Variants in E2F6 observed in about 807,000 individuals in gnomAD.
E2F6 encodes transcription factor E2F6.
E2F6 carries 19 observed loss-of-function variants against 31.5 expected under a neutral mutation model. The observed-to-expected ratio is 0.60, with a 90% CI of 0.42 to 0.89. The LOEUF (loss-of-function observed/expected upper bound fraction) is 0.89. E2F6 is among the 40% of genes least tolerant of loss of function. The pLI is 0.00. For missense variants in E2F6, 269 were observed against 341.6 expected (o/e 0.79, Z 1.67); for synonymous variants, 121 against 127.7 (o/e 0.95, Z 0.36).
chr2:11,450,561 A>G (rs1382094279), intron 4 of E2F6, among the ~76,000 whole-genome samples: 1 of 152,130 alleles, frequency 6.6e-6, no homozygotes, highest in Non-Finnish European at 1.5e-5. Flanking sequence ...CCCTAAAATG[A>G]AAGATGGAAA....
At chr2:11,447,529 G>C in intron 6 of E2F6, 98 bp downstream of exon 6, 1 of 1,299,642 alleles carries the variant, frequency 7.7e-7, no homozygotes, top group South Asian at 1.4e-5. Context: ...TCATGTTTTT[G>C]TGGCTAGGAA....
rs1018400019 is a variant in E2F6, at chr2:11,455,501, G to C, written c.163+1678C>G. The C allele has an allele frequency of 3.9e-6, 5 of 1,283,794 alleles. No homozygotes were observed. The African/African-American group carries it at 7.7e-5, about 20-fold the overall frequency. 79.5% of individuals were successfully genotyped at this position (1,283,794 alleles called of 1,614,324 possible). A position where few individuals can be genotyped will look rare whatever the true frequency, so the allele number is the denominator to read the frequency against. ...TTAAGATTAAATAGGCGTAAATTAGGAATTTAAAAGGATTTTTAATCGGAA... is the reference window on the plus strand; with the variant it reads ...TTAAGATTAAATAGGCGTAAATTAGCAATTTAAAAGGATTTTTAATCGGAA... On this transcript the variant is annotated intron_variant, in intron 2 of 6. Coordinates refer to ENST00000381525, the MANE Select transcript of E2F6 (RefSeq NM_198256.4).
intron 5 of E2F6, among the ~76,000 whole-genome samples, chr2:11,448,074 T>C (rs987755886): frequency 6.6e-6 from 1 of 152,152 alleles, no homozygotes; most frequent in Admixed American, 6.5e-5. Flanking sequence ...AACTCCAGAA[T>C]ACCCTAGAGT....
Position 11,444,706 on chromosome 2 carries a change from A to C in E2F6, c.*1771T>G, listed in dbSNP as rs1670618030. On this transcript the variant is annotated 3_prime_UTR_variant, in exon 7 of 7. Transcript: ENST00000381525. Reference sequence around the variant, plus strand: ...TCTTGTGGCTTAAACTATCGCATCTAAACTGACATCTGCCTGACGTACTAC... The same window carrying C: ...TCTTGTGGCTTAAACTATCGCATCTCAACTGACATCTGCCTGACGTACTAC... 2 of 152,014 alleles carry C rather than the reference A, an allele frequency of 1.3e-5. No individual in the cohort carries two copies. Among genetic ancestry groups the C allele is most frequent in the African/African-American group, 4.8e-5 (2 of 41,354 alleles). 9.4% of individuals were successfully genotyped at this position (152,014 alleles called of 1,614,324 possible).
At chr2:11,462,928 G>A (rs540755273) in intron 1 of E2F6, among the ~76,000 whole-genome samples, 69 of 152,302 alleles carry the variant, frequency 4.5e-4, no homozygotes, top group African/African-American at 1.6e-3. Context: ...ACTAATAGGA[G>A]TTTGAAACCT....
intron 5 of E2F6, among the ~76,000 whole-genome samples, chr2:11,449,778 T>A (rs1670945250): frequency 2.0e-5 from 3 of 152,226 alleles, no homozygotes; most frequent in African/African-American, 7.2e-5. Context: ...ATTCTGGTGA[T>A]CCTGAAAAAG....
chr2:11,466,078 T>C lies in E2F6; in HGVS notation c.-199A>G. ...GGCACGGCCTCACGTGCCCGGGAGC[T>C]CCCGACGCAGACGGAAAAAGAGGAG... is the stretch of plus-strand genomic sequence containing the variant. On this transcript the variant is annotated 5_prime_UTR_variant, in exon 1 of 7. Coordinates refer to ENST00000381525, the MANE Select transcript of E2F6 (RefSeq NM_198256.4). The C allele has an allele frequency of 1.9e-6, 1 of 515,806 alleles. No homozygotes were observed. The highest frequency in any genetic ancestry group is 3.4e-6 in the Non-Finnish European group (1 of 296,730). The allele number at this position is 515,806 out of a possible 1,614,324, so 32.0% of individuals were successfully genotyped here.
intron 2 of E2F6, among the ~76,000 whole-genome samples, chr2:11,454,641 C>T (rs1038877100): frequency 3.3e-5 from 5 of 151,976 alleles, no homozygotes; most frequent in African/African-American, 4.8e-5. Context: ...TAAGAGCCAC[C>T]GCGGCTGGCC....
In E2F6 at chr2:11,453,819, A is replaced by ATT. The variant is rs757575194; in HGVS notation, c.164-23_164-22dup. 7.0e-6 allele frequency: 11 copies of ATT among 1,581,248 alleles called. No homozygotes were observed. In the African/African-American group the frequency reaches 1.1e-4, roughly 16 times the overall value. On this transcript the variant is annotated intron_variant, in intron 2 of 6. Transcript: ENST00000381525. Reference sequence around the variant, plus strand: ...AGCTTCTGGGAAACAAAATAAACATATTTGTAAAATTTTAAATAACATTTC... The same window carrying ATT: ...AGCTTCTGGGAAACAAAATAAACATATTTTTGTAAAATTTTAAATAACATTTC...
intron 1 of E2F6, among the ~76,000 whole-genome samples, chr2:11,459,774 C>T (rs1671650678): frequency 6.6e-6 from 1 of 151,990 alleles, no homozygotes. Context: ...ATAAAAGCTA[C>T]TTGGGAGGCT....
chr2:11,453,829 T>C (rs767877388), intron 2 of E2F6, 31 bp from the exon 3 acceptor site: 42 of 1,563,450 alleles, frequency 2.7e-5, no homozygotes, highest in Non-Finnish European at 3.6e-5. Flanking sequence ...ATTTGTAAAA[T>C]TTTAAATAAC....
intron 5 of E2F6, among the ~76,000 whole-genome samples, chr2:11,448,502 T>C (rs1346225545): frequency 1.3e-5 from 2 of 152,138 alleles, no homozygotes; most frequent in Non-Finnish European, 2.9e-5. Context: ...ACTCCACACC[T>C]CATTGTGATC....
chr2:11,461,159 T>TA (rs1671755552), intron 1 of E2F6, among the ~76,000 whole-genome samples: 1 of 152,078 alleles, frequency 6.6e-6, no homozygotes, highest in Non-Finnish European at 1.5e-5. Context: ...GAAAGGATGA[T>TA]ACCACTGTAG....
intron 4 of E2F6, 175 bp downstream of exon 4, chr2:11,451,476 A>C: frequency 3.8e-6 from 2 of 530,454 alleles, no homozygotes; most frequent in Non-Finnish European, 6.1e-6. Flanking sequence ...TCAGCCTCCC[A>C]AGGAGCTGGG....
intron 3 of E2F6, among the ~76,000 whole-genome samples, chr2:11,452,920 T>G (rs1247773556): frequency 6.6e-6 from 1 of 152,230 alleles, no homozygotes; most frequent in Non-Finnish European, 1.5e-5. Flanking sequence ...CTCTAATAAC[T>G]AAGTTAATTA....
intron 1 of E2F6, among the ~76,000 whole-genome samples, chr2:11,462,577 C>T (rs148933598): frequency 6.6e-6 from 1 of 152,254 alleles, no homozygotes; most frequent in East Asian, 1.9e-4. Context: ...CTTCAGCATA[C>T]TGGAAGCACT....
At chr2:11,462,419 A>G (rs1422243621) in intron 1 of E2F6, among the ~76,000 whole-genome samples, 2 of 152,246 alleles carry the variant, frequency 1.3e-5, no homozygotes, top group Non-Finnish European at 2.9e-5. Context: ...ATAGCAATAA[A>G]CTACAATGAA....
intron 3 of E2F6, 114 bp downstream of exon 3, chr2:11,453,468 G>A: frequency 1.0e-6 from 1 of 962,902 alleles, no homozygotes; most frequent in South Asian, 1.7e-5. Flanking sequence ...CTTCTAACAA[G>A]AAGTCGTACC....
chr2:11,464,719 A>G (rs1672026410), intron 1 of E2F6, among the ~76,000 whole-genome samples: 2 of 152,056 alleles, frequency 1.3e-5, no homozygotes, highest in South Asian at 2.1e-4. Flanking sequence ...GCCACAGGCA[A>G]GCCGGCGTTA....
Sources: allele counts gnomAD v4.1 joint callset (sites outside exome capture counted in the v4.1 genomes callset), GRCh38; gene constraint gnomAD v4.1.1; transcripts MANE v1.5; gene names NCBI Gene and HGNC (gene_info 2026-07-23, HGNC 2026-07-21).